FHIT: variants seen among roughly 807,000 people sequenced by gnomAD.
FHIT encodes bis(5'-adenosyl)-triphosphatase.
A neutral mutation model predicts 17.9 loss-of-function variants in FHIT; 19 were observed. The ratio of observed to expected loss-of-function variants is 1.06; its 90% CI spans 0.74 to 1.56. FHIT has a LOEUF of 1.56. FHIT is among the 40% of genes most tolerant of loss of function. The pLI, the probability that FHIT is intolerant of heterozygous loss-of-function variation, is 0.00. For missense variants in FHIT, 248 were observed against 189.2 expected (o/e 1.31, Z -1.82); for synonymous variants, 81 against 69.7 (o/e 1.16, Z -0.81).
intron 4 of FHIT, among the ~76,000 whole-genome samples, chr3:60,538,920 C>T (rs958551217): frequency 2.6e-5 from 4 of 151,962 alleles, no homozygotes; most frequent in African/African-American, 9.7e-5. Context: ...GCAATGGCAA[C>T]AAAAGCCAAA....
intron 8 of FHIT, among the ~76,000 whole-genome samples, chr3:59,874,009 A>G (rs900709306): frequency 1.2e-4 from 18 of 152,058 alleles, no homozygotes; most frequent in African/African-American, 4.4e-4. Flanking sequence ...TAAAGATTCA[A>G]CTTCTCTCTT....
intron 5 of FHIT, among the ~76,000 whole-genome samples, chr3:60,033,715 G>A (rs974644586): frequency 2.0e-5 from 3 of 152,158 alleles, no homozygotes; most frequent in South Asian, 2.1e-4. Flanking sequence ...CTGGTTGAAG[G>A]TAAACAGGCC....
At chr3:60,569,725 C>CTATATATA (rs1219009137) in intron 4 of FHIT, among the ~76,000 whole-genome samples, 27 of 39,116 alleles carry the variant, frequency 6.9e-4, no homozygotes, top group Non-Finnish European at 9.2e-4. Flanking sequence ...TTTATTAATA[C>CTATATATA]TATATATATA....
chr3:60,341,069 G>A (rs750638053), intron 5 of FHIT, among the ~76,000 whole-genome samples: 1 of 152,126 alleles, frequency 6.6e-6, no homozygotes, highest in Non-Finnish European at 1.5e-5. Flanking sequence ...TTGGATGGCT[G>A]ACTTTTGGTA....
At chr3:60,033,660 T>A (rs1461736861) in intron 5 of FHIT, among the ~76,000 whole-genome samples, 1 of 152,170 alleles carries the variant, frequency 6.6e-6, no homozygotes, top group African/African-American at 2.4e-5. Context: ...AAAACTCAAG[T>A]GGATAAATGA....
chr3:60,248,033 GA>G (rs1217083176), intron 5 of FHIT, among the ~76,000 whole-genome samples: 1 of 152,118 alleles, frequency 6.6e-6, no homozygotes, highest in Non-Finnish European at 1.5e-5. Flanking sequence ...CGTTACTTCA[GA>G]GTAGAATTTT....
intron 7 of FHIT, among the ~76,000 whole-genome samples, chr3:59,959,370 T>C (rs747086668): frequency 1.3e-5 from 2 of 152,190 alleles, no homozygotes; most frequent in Non-Finnish European, 1.5e-5. Context: ...TGAGACATGA[T>C]TGCCTTTACT....
intron 5 of FHIT, among the ~76,000 whole-genome samples, chr3:60,431,227 AAAG>A (rs1236790081): frequency 4.0e-5 from 6 of 150,504 alleles, no homozygotes; most frequent in Non-Finnish European, 5.9e-5. Context: ...AAAAAAAAAA[AAAG>A]AATGACCATT....
intron 5 of FHIT, among the ~76,000 whole-genome samples, chr3:60,433,306 TTATA>T (rs1485631421): frequency 1.3e-5 from 2 of 152,196 alleles, no homozygotes; most frequent in East Asian, 3.9e-4. Flanking sequence ...CACATTTTCT[TTATA>T]TATCCATCTG....
At chr3:59,938,520 G>T (rs1018125103) in intron 7 of FHIT, among the ~76,000 whole-genome samples, 1 of 151,946 alleles carries the variant, frequency 6.6e-6, no homozygotes, top group South Asian at 2.1e-4. Flanking sequence ...ACTGTATTTG[G>T]GATTCCTGCC....
chr3:61,017,648 G>A (rs918579857), intron 3 of FHIT, among the ~76,000 whole-genome samples: 4 of 152,084 alleles, frequency 2.6e-5, no homozygotes, highest in African/African-American at 9.7e-5. Flanking sequence ...TTGCCACTTG[G>A]GTGTCTAATA....
chr3:60,347,123 T>C (rs2106925970), intron 5 of FHIT, among the ~76,000 whole-genome samples: 1 of 152,274 alleles, frequency 6.6e-6, no homozygotes, highest in East Asian at 1.9e-4. Context: ...TGAACTGTTT[T>C]GGTCGTGAAA....
At chr3:59,807,046 C>A (rs1450252175) in intron 8 of FHIT, among the ~76,000 whole-genome samples, 2 of 152,170 alleles carry the variant, frequency 1.3e-5, no homozygotes, top group South Asian at 2.1e-4. Flanking sequence ...GTATGGGACT[C>A]TGGCTGTGAT....
intron 7 of FHIT, among the ~76,000 whole-genome samples, chr3:60,002,832 G>A (rs1306868617): frequency 4.6e-5 from 7 of 152,106 alleles, no homozygotes; most frequent in African/African-American, 1.2e-4. Context: ...TATCAAGAAA[G>A]AATCAAGTCC....
chr3:60,684,512 C>T (rs140436326), intron 4 of FHIT, among the ~76,000 whole-genome samples: 48 of 152,222 alleles, frequency 3.2e-4, no homozygotes, highest in African/African-American at 1.2e-3. Flanking sequence ...GGTTTTCCAT[C>T]ACATTGTGTG....
rs1180282978 is a variant in FHIT at position 60,926,148 on chromosome 3, G to A, written c.-110-104137C>T. ...CACTGTCAACATTAGACAGATCAACGAGACAGAAAGTTAACAAGGATATCC... is the reference window on the plus strand; with the variant it reads ...CACTGTCAACATTAGACAGATCAACAAGACAGAAAGTTAACAAGGATATCC... On this transcript the variant is annotated intron_variant, in intron 3 of 9. Coordinates refer to ENST00000492590, the MANE Select transcript of FHIT (RefSeq NM_002012.4). 8.5e-5 allele frequency among the ~76,000 whole-genome samples: 13 copies of A among 152,174 alleles called. 1 individual carries two copies. The East Asian group carries it at 9.7e-4, about 11-fold the overall frequency.
chr3:60,125,799 A>T (rs1224999770), intron 5 of FHIT, among the ~76,000 whole-genome samples: 1 of 152,076 alleles, frequency 6.6e-6, no homozygotes, highest in Non-Finnish European at 1.5e-5. Context: ...TCCTTCTGGT[A>T]TAGCAGCTAA....
intron 5 of FHIT, among the ~76,000 whole-genome samples, chr3:60,510,846 G>A (rs962277824): frequency 2.6e-5 from 4 of 152,146 alleles, no homozygotes; most frequent in Admixed American, 2.0e-4. Context: ...AATCCAGTAA[G>A]TGCATTTATG....
At chr3:60,915,080 CT>C (rs1165141742) in intron 3 of FHIT, among the ~76,000 whole-genome samples, 1 of 152,174 alleles carries the variant, frequency 6.6e-6, no homozygotes, top group Non-Finnish European at 1.5e-5. Context: ...TGTATAATGA[CT>C]TGGTTTTCCA....
Sources: allele counts gnomAD v4.1 joint callset (sites outside exome capture counted in the v4.1 genomes callset), GRCh38; gene constraint gnomAD v4.1.1; transcripts MANE v1.5; gene names NCBI Gene and HGNC (gene_info 2026-07-23, HGNC 2026-07-21).